PSMD14: variants seen among roughly 807,000 people sequenced by gnomAD.
The protein encoded by PSMD14 is proteasome 26S subunit, non-ATPase 14.
In PSMD14, 7 loss-of-function variants were observed where a neutral mutation model predicts 41.2. The ratio of observed to expected loss-of-function variants is 0.17; its 90% CI spans 0.10 to 0.32. PSMD14 has a LOEUF of 0.32. PSMD14 is among the 10% of genes least tolerant of loss of function. The pLI, the probability that PSMD14 is intolerant of heterozygous loss-of-function variation, is 1.00. For synonymous variants in PSMD14, 114 were observed against 122.3 expected, an observed-to-expected ratio of 0.93 and a Z score of 0.45; for missense variants, 139 against 375.6, an observed-to-expected ratio of 0.37 and a Z score of 5.21.
At chr2:161,317,035 T>C (rs551021804) in intron 2 of PSMD14, among the ~76,000 whole-genome samples, 16 of 152,308 alleles carry the variant, frequency 1.1e-4, no homozygotes, top group Non-Finnish European at 2.2e-4. Context: ...GTTGGTTCTT[T>C]AAGTTTGTAA....
intron 3 of PSMD14, among the ~76,000 whole-genome samples, chr2:161,325,749 G>A (rs762713086): frequency 1.3e-5 from 2 of 152,148 alleles, no homozygotes; most frequent in Admixed American, 6.5e-5. Context: ...ACCAGATTTC[G>A]AAACATATTT....
intron 10 of PSMD14, among the ~76,000 whole-genome samples, chr2:161,397,073 ACCTG>A (rs1394543544): frequency 6.6e-6 from 1 of 152,080 alleles, no homozygotes. Flanking sequence ...CAGGTGATCC[ACCTG>A]CCTTGGCCTC....
intron 11 of PSMD14, among the ~76,000 whole-genome samples, chr2:161,411,002 A>C (rs929570956): frequency 2.6e-5 from 4 of 152,126 alleles, no homozygotes; most frequent in African/African-American, 9.6e-5. Context: ...TTTTTTAAAA[A>C]ATCAGATGAT....
chr2:161,316,110 C>T (rs937472196), intron 1 of PSMD14, among the ~76,000 whole-genome samples: 1 of 152,142 alleles, frequency 6.6e-6, no homozygotes, highest in Non-Finnish European at 1.5e-5. Flanking sequence ...TCCCAAAGTG[C>T]TGGGATTACA....
intron 3 of PSMD14, among the ~76,000 whole-genome samples, chr2:161,364,994 C>T (rs531356777): frequency 3.3e-5 from 5 of 152,166 alleles, no homozygotes; most frequent in African/African-American, 1.2e-4. Context: ...AATCCCAGCA[C>T]CTCAGGAGGC....
At position 161,398,555 on chromosome 2, in the gene PSMD14, A is replaced by G. The variant is rs147848684; in HGVS notation, c.771+3352A>G. ...CATCTGCTATTTTTTTTTAATTTTG[A>G]TAATGTTTGATTACATATTTGTAAA... is the stretch of plus-strand genomic sequence containing the variant. On this transcript the variant is annotated intron_variant, in intron 10 of 11. Coordinates refer to ENST00000409682, the MANE Select transcript of PSMD14 (RefSeq NM_005805.6). Among the ~76,000 whole-genome samples the G allele has an allele frequency of 5.8e-3, 876 of 151,970 alleles. 7 individuals are homozygous for G. Among genetic ancestry groups the G allele is most frequent in the Middle Eastern group, 0.02 (6 of 294 alleles).
chr2:161,404,010 G>C (rs781181595), intron 10 of PSMD14, among the ~76,000 whole-genome samples: 10 of 151,478 alleles, frequency 6.6e-5, no homozygotes, highest in Non-Finnish European at 1.0e-4. Context: ...AGTTTAAGCA[G>C]TACTCTTGCC....
At chr2:161,323,020 A>G (rs1217427040) in intron 3 of PSMD14, among the ~76,000 whole-genome samples, 1 of 152,154 alleles carries the variant, frequency 6.6e-6, no homozygotes, top group Non-Finnish European at 1.5e-5. Flanking sequence ...AGTCTCCTGT[A>G]TCCAAAAACC....
At chr2:161,370,946 T>C (rs1416264184) in intron 6 of PSMD14, among the ~76,000 whole-genome samples, 1 of 152,200 alleles carries the variant, frequency 6.6e-6, no homozygotes, top group Non-Finnish European at 1.5e-5. Context: ...TATCTACCAC[T>C]GCTAATGTGC....
chr2:161,330,707 A>G (rs1682774476), intron 3 of PSMD14, among the ~76,000 whole-genome samples: 1 of 152,236 alleles, frequency 6.6e-6, no homozygotes, highest in Admixed American at 6.5e-5. Context: ...TCCACTGGGC[A>G]GCCTCTCAGT....
intron 10 of PSMD14, among the ~76,000 whole-genome samples, chr2:161,398,560 G>A (rs566020578): frequency 2.7e-4 from 41 of 151,758 alleles, no homozygotes; most frequent in Non-Finnish European, 4.7e-4. Flanking sequence ...TTTTGATAAT[G>A]TTTGATTACA....
chr2:161,339,320 T>A (rs951811337), intron 3 of PSMD14, among the ~76,000 whole-genome samples: 1 of 152,176 alleles, frequency 6.6e-6, no homozygotes, highest in African/African-American at 2.4e-5. Flanking sequence ...TTAATTTTTT[T>A]AATTTAGCCA....
intron 3 of PSMD14, among the ~76,000 whole-genome samples, chr2:161,331,908 T>G (rs971899240): frequency 6.6e-6 from 1 of 152,230 alleles, no homozygotes; most frequent in Non-Finnish European, 1.5e-5. Flanking sequence ...ATTTTCATAT[T>G]ATAGGGTCGA....
At chr2:161,323,107 C>T (rs17707401) in intron 3 of PSMD14, among the ~76,000 whole-genome samples, 1,668 of 152,294 alleles carry the variant, frequency 0.011, 16 homozygotes, top group Middle Eastern at 0.037. Context: ...GCTTAAACTC[C>T]ATAATCTACT....
intron 3 of PSMD14, chr2:161,340,829 C>T: frequency 1.2e-6 from 2 of 1,613,996 alleles, no homozygotes; most frequent in Non-Finnish European, 1.7e-6. Context: ...CTTCAGTTCT[C>T]TGCTCCTCCT....
intron 3 of PSMD14, among the ~76,000 whole-genome samples, chr2:161,363,149 A>G (rs1022094160): frequency 3.3e-5 from 5 of 152,186 alleles, no homozygotes; most frequent in Non-Finnish European, 4.4e-5. Context: ...TTGAACACCT[A>G]TGTGAGGGAT....
intron 5 of PSMD14, 38 bp downstream of exon 5, chr2:161,367,941 GT>G (rs1224505027): frequency 6.3e-7 from 1 of 1,577,554 alleles, no homozygotes; most frequent in Non-Finnish European, 8.6e-7. Flanking sequence ...AAGTAAATGT[GT>G]TTCTTTTCAT....
At chr2:161,395,328 T>C in intron 10 of PSMD14, 125 bp downstream of exon 10, 2 of 984,862 alleles carry the variant, frequency 2.0e-6, no homozygotes, top group Non-Finnish European at 2.9e-6. Flanking sequence ...AAATATTTGC[T>C]TTGCAGTTCA....
intron 1 of PSMD14, among the ~76,000 whole-genome samples, chr2:161,313,953 A>G (rs1374351229): frequency 2.0e-5 from 3 of 152,152 alleles, no homozygotes; most frequent in Admixed American, 2.0e-4. Flanking sequence ...AAGTATATTC[A>G]CAGTGTTATG....
Sources: allele counts gnomAD v4.1 joint callset (sites outside exome capture counted in the v4.1 genomes callset), GRCh38; gene constraint gnomAD v4.1.1; transcripts MANE v1.5; gene names NCBI Gene and HGNC (gene_info 2026-07-23, HGNC 2026-07-21).